Variants in MYBL2 observed in about 807,000 individuals in gnomAD.
MYBL2 encodes the protein myb-related protein B.
A neutral mutation model predicts 79.9 loss-of-function variants in MYBL2; 28 were observed. The ratio of observed to expected loss-of-function variants is 0.35; its 90% CI spans 0.26 to 0.48. The LOEUF is 0.48. MYBL2 is among the 20% of genes least tolerant of loss of function. The probability of loss-of-function intolerance (pLI) is 0.99; values close to 1 mark genes in which losing one functional copy is unlikely to be tolerated. For synonymous variants in MYBL2, 378 were observed against 361.2 expected, an observed-to-expected ratio of 1.05 and a Z score of -0.53; for missense variants, 735 against 893.9, an observed-to-expected ratio of 0.82 and a Z score of 2.27.
chr20:43,676,024 CCT>C (rs1361058557), intron 2 of MYBL2, among the ~76,000 whole-genome samples: 1 of 151,740 alleles, frequency 6.6e-6, no homozygotes, highest in Admixed American at 6.6e-5. Flanking sequence ...CCTACCTCAG[CCT>C]CTCAAGTAGC....
chr20:43,681,972 C>G (rs752814158), intron 3 of MYBL2, 117 bp downstream of exon 3: 112 of 1,069,574 alleles, frequency 1.0e-4, no homozygotes, highest in Non-Finnish European at 1.4e-4. Context: ...CCCCTGAAAA[C>G]AAAACCAAAT....
chr20:43,684,287 G>T (rs1003149778), intron 4 of MYBL2, among the ~76,000 whole-genome samples: 1 of 151,568 alleles, frequency 6.6e-6, no homozygotes, highest in African/African-American at 2.4e-5. Flanking sequence ...GTCCAGGCTG[G>T]AGTGCAATGG....
At chr20:43,675,249 G>A (rs1986976036) in intron 2 of MYBL2, among the ~76,000 whole-genome samples, 1 of 152,036 alleles carries the variant, frequency 6.6e-6, no homozygotes, top group Admixed American at 6.6e-5. Flanking sequence ...CAAAGTGCTA[G>A]GATTATAGGT....
intron 4 of MYBL2, among the ~76,000 whole-genome samples, chr20:43,684,218 T>C (rs1426950125): frequency 2.0e-5 from 3 of 151,186 alleles, no homozygotes; most frequent in African/African-American, 7.4e-5. Context: ...TGAGCCACCA[T>C]TCCTGTTCTT....
At chr20:43,709,080 A>C (rs1036341120) in intron 9 of MYBL2, among the ~76,000 whole-genome samples, 2 of 152,204 alleles carry the variant, frequency 1.3e-5, no homozygotes, top group Non-Finnish European at 2.9e-5. Context: ...AGCTGCGGGA[A>C]GTGGAGGCGG....
chr20:43,680,471 T>C (rs1339750141), intron 2 of MYBL2, among the ~76,000 whole-genome samples: 2 of 152,180 alleles, frequency 1.3e-5, no homozygotes, highest in African/African-American at 4.8e-5. Context: ...ATATCCATTG[T>C]TTATATGCAT....
chr20:43,698,350 T>C (rs1211730673), intron 6 of MYBL2, among the ~76,000 whole-genome samples: 2 of 100,246 alleles, frequency 2.0e-5, no homozygotes, highest in African/African-American at 3.9e-5. Context: ...ACGCCCCGCA[T>C]ATTTTTTTTT....
chr20:43,671,463 A>AT (rs376522569), intron 1 of MYBL2, among the ~76,000 whole-genome samples: 3,130 of 70,840 alleles, frequency 0.044, 145 homozygotes, highest in African/African-American at 0.077. Context: ...GCTGATTTCC[A>AT]TTTTTTTTTT....
In MYBL2 at chr20:43,702,517, A is replaced by G; in HGVS notation, c.979A>G (p.Lys327Glu). 1 of 1,608,100 alleles carries G rather than the reference A, an allele frequency of 6.2e-7. No homozygotes were observed. The highest frequency in any genetic ancestry group is 8.5e-7 in the Non-Finnish European group (1 of 1,175,018). ...CCCTGATGCTTGGTGTGACCTGAGT[A>G]AATTTGACCTCCCTGAGGAACCATC... ...SDPDAWCDLS[K>E]FDLPEEPSAE... Residue 327 changes from lysine (K) to glutamate (E), a missense_variant, in exon 8 of 14, where the codon AAA (lysine) becomes GAA (glutamate). By Grantham distance (56) the Lys-to-Glu change is moderately conservative. This residue lies in a region of MYBL2 where 243 missense variants were observed against 327.2 expected (regional missense o/e 0.74). Coordinates refer to ENST00000217026, the MANE Select transcript of MYBL2 (RefSeq NM_002466.4).
At chr20:43,680,477 T>C (rs1987117133) in intron 2 of MYBL2, among the ~76,000 whole-genome samples, 2 of 152,170 alleles carry the variant, frequency 1.3e-5, no homozygotes, top group South Asian at 4.1e-4. Context: ...ATTGTTTATA[T>C]GCATGACATT....
chr20:43,679,309 A>G (rs578010487), intron 2 of MYBL2, among the ~76,000 whole-genome samples: 31 of 152,350 alleles, frequency 2.0e-4, no homozygotes, highest in Non-Finnish European at 7.3e-5. Flanking sequence ...GTATACATAT[A>G]TACACATATA....
Position 43,673,869 on chromosome 20 carries a change from C to G in MYBL2, c.84C>G (p.Ser28Arg). 6.4e-7 allele frequency: 1 copy of G among 1,554,402 alleles called. No individual in the cohort carries two copies. ...TDSDVPEQRDSKCKVKWTHEE... is the reference protein window; with the variant it reads ...TDSDVPEQRDRKCKVKWTHEE... ...CAGATGTGCCGGAGCAGAGGGATAG[C>G]AAGTGCAAGGTCAAATGGACCCATG... Residue 28 changes from serine (S) to arginine (R), a missense_variant, in exon 2 of 14, where the codon AGC (serine) becomes AGG (arginine). Coordinates refer to ENST00000217026, the MANE Select transcript of MYBL2 (RefSeq NM_002466.4).
intron 11 of MYBL2, among the ~76,000 whole-genome samples, chr20:43,711,923 G>A (rs35484530): frequency 6.6e-6 from 1 of 152,160 alleles, no homozygotes; most frequent in East Asian, 1.9e-4. Flanking sequence ...TTAGTGTTCA[G>A]GGGGCAGAGA....
At chr20:43,704,514 TGGTCGCTCTACTCCAGAGACCCCATTTAG>T (rs948265926) in intron 8 of MYBL2, among the ~76,000 whole-genome samples, 1 of 152,248 alleles carries the variant, frequency 6.6e-6, no homozygotes, top group Admixed American at 6.5e-5. Context: ...TGATGGAGCG[TGGTCGCTCTACTCCAGAGACCCCATTTAG>T]GGTGGTGACC....
chr20:43,677,826 G>A (rs1341394659), intron 2 of MYBL2, among the ~76,000 whole-genome samples: 1 of 152,192 alleles, frequency 6.6e-6, no homozygotes, highest in Admixed American at 6.5e-5. Context: ...CATTGAGAAC[G>A]GGCCATGATG....
chr20:43,685,466 C>A (rs1987250981), intron 4 of MYBL2, among the ~76,000 whole-genome samples: 1 of 151,958 alleles, frequency 6.6e-6, no homozygotes. Context: ...CAGGTGTGAG[C>A]CACCGGGCCT....
At chr20:43,684,672 A>G (rs1987225310) in intron 4 of MYBL2, among the ~76,000 whole-genome samples, 1 of 151,406 alleles carries the variant, frequency 6.6e-6, no homozygotes, top group Non-Finnish European at 1.5e-5. Context: ...CATGGCTGGC[A>G]CTTCGCCTTA....
chr20:43,696,600 G>A (rs548998837), intron 6 of MYBL2, among the ~76,000 whole-genome samples: 2 of 152,416 alleles, frequency 1.3e-5, no homozygotes, highest in East Asian at 3.9e-4. Context: ...TGTGTATTCA[G>A]ATCTCCAACA....
intron 9 of MYBL2, among the ~76,000 whole-genome samples, chr20:43,707,355 TTCTC>T (rs1987814599): frequency 6.6e-6 from 1 of 152,120 alleles, no homozygotes; most frequent in African/African-American, 2.4e-5. Flanking sequence ...GCATTGATAC[TTCTC>T]TCTCTCCCTT....
Sources: allele counts gnomAD v4.1 joint callset (sites outside exome capture counted in the v4.1 genomes callset), GRCh38; gene constraint gnomAD v4.1.1; regional missense constraint gnomAD v4.1.1; transcripts MANE v1.5; gene names NCBI Gene and HGNC (gene_info 2026-07-23, HGNC 2026-07-21).